SLC14A2: variants seen among roughly 807,000 people sequenced by gnomAD.
The protein encoded by SLC14A2 is solute carrier family 14 member 2, also known as urea transporter 2.
SLC14A2 carries 91 observed loss-of-function variants against 104.6 expected under a neutral mutation model. That is an observed-to-expected ratio of 0.87 (90% CI 0.73 to 1.04). SLC14A2 has a LOEUF of 1.04. Ranked by LOEUF, SLC14A2 falls within the 50% of genes least tolerant of loss-of-function variation. The probability of loss-of-function intolerance (pLI) is 0.00; values close to 1 mark genes in which losing one functional copy is unlikely to be tolerated. For synonymous variants in SLC14A2, 476 were observed against 466.4 expected, an observed-to-expected ratio of 1.02 and a Z score of -0.27; for missense variants, 1,189 against 1,156.0, an observed-to-expected ratio of 1.03 and a Z score of -0.41.
chr18:45,282,618 C>G (rs1437183859), intron 1 of SLC14A2, among the ~76,000 whole-genome samples: 1 of 152,136 alleles, frequency 6.6e-6, no homozygotes, highest in East Asian at 1.9e-4. Context: ...GCTTATCTAC[C>G]CTGGAGCACA....
chr18:45,175,421 A>AAC, the SLC14A2 span, among the ~76,000 whole-genome samples: 1,082 of 152,154 alleles, frequency 7.1e-3, 23 homozygotes, highest in African/African-American at 0.025. Flanking sequence ...ACGTTTAAAA[A>AAC]AAAATCCTCT....
intron 1 of SLC14A2, among the ~76,000 whole-genome samples, chr18:45,393,880 G>T (rs554400884): frequency 2.6e-5 from 4 of 152,226 alleles, no homozygotes; most frequent in South Asian, 2.1e-4. Flanking sequence ...ATCCCTCTAT[G>T]GTATCATCAT....
intron 1 of SLC14A2, among the ~76,000 whole-genome samples, chr18:45,233,735 A>G (rs1021263422): frequency 2.0e-5 from 3 of 151,140 alleles, no homozygotes; most frequent in Non-Finnish European, 4.4e-5. Context: ...CAAAGTGCTC[A>G]TCACTTTCCC....
At chr18:45,352,659 A>G (rs918219895) in intron 1 of SLC14A2, among the ~76,000 whole-genome samples, 12 of 152,192 alleles carry the variant, frequency 7.9e-5, no homozygotes, top group African/African-American at 2.9e-4. Flanking sequence ...TTTACAAGTG[A>G]CACCAAAGGA....
At chr18:45,308,592 G>C (rs541365811) in intron 1 of SLC14A2, among the ~76,000 whole-genome samples, 4 of 152,112 alleles carry the variant, frequency 2.6e-5, no homozygotes, top group Admixed American at 1.3e-4. Flanking sequence ...CAATTTGCCC[G>C]GAGGGAGGAT....
chr18:45,568,390 C>T (rs187719218), intron 2 of SLC14A2, among the ~76,000 whole-genome samples: 1 of 152,336 alleles, frequency 6.6e-6, no homozygotes, highest in East Asian at 1.9e-4. Flanking sequence ...TCTCTCCTTG[C>T]CTTCAGGGGA....
intron 8 of SLC14A2, among the ~76,000 whole-genome samples, chr18:45,642,103 C>T (rs1370001655): frequency 6.6e-6 from 1 of 152,220 alleles, no homozygotes; most frequent in East Asian, 1.9e-4. Context: ...AATCCCAGCC[C>T]CAGCTTGCCA....
intron 2 of SLC14A2, among the ~76,000 whole-genome samples, chr18:45,588,847 T>C (rs183241126): frequency 6.6e-6 from 1 of 152,262 alleles, no homozygotes; most frequent in African/African-American, 2.4e-5. Context: ...ACCGTAATTC[T>C]TTTACAGCAA....
chr18:45,568,662 G>A (rs1294332358), intron 2 of SLC14A2, among the ~76,000 whole-genome samples: 2 of 152,210 alleles, frequency 1.3e-5, no homozygotes, highest in African/African-American at 4.8e-5. Flanking sequence ...TTGTCACCTA[G>A]CCTGCCTGAT....
intron 2 of SLC14A2, among the ~76,000 whole-genome samples, chr18:45,506,119 C>A (rs1393504352): frequency 6.6e-6 from 1 of 152,190 alleles, no homozygotes; most frequent in African/African-American, 2.4e-5. Flanking sequence ...GCAGGGGGAC[C>A]TTGAAGGTGT....
intron 1 of SLC14A2, among the ~76,000 whole-genome samples, chr18:45,440,080 G>C (rs1464537377): frequency 2.0e-5 from 3 of 152,292 alleles, no homozygotes; most frequent in African/African-American, 7.2e-5. Flanking sequence ...AAAGAGGCCT[G>C]TGTAGGTTGA....
At chr18:45,355,303 C>G (rs544393385) in intron 1 of SLC14A2, among the ~76,000 whole-genome samples, 1 of 152,002 alleles carries the variant, frequency 6.6e-6, no homozygotes, top group Non-Finnish European at 1.5e-5. Flanking sequence ...AGGCCTGGCG[C>G]GGTGGCTCAC....
At chr18:45,313,162 T>C (rs2085095896) in intron 1 of SLC14A2, among the ~76,000 whole-genome samples, 1 of 152,186 alleles carries the variant, frequency 6.6e-6, no homozygotes, top group South Asian at 2.1e-4. Flanking sequence ...GCATCCATAC[T>C]GAACAGACTA....
At chr18:45,409,087 C>A (rs995331024) in intron 1 of SLC14A2, among the ~76,000 whole-genome samples, 1 of 152,058 alleles carries the variant, frequency 6.6e-6, no homozygotes, top group Non-Finnish European at 1.5e-5. Flanking sequence ...CAGTTGCAGC[C>A]CCCCAAGGAG....
rs113938461 is a variant in SLC14A2 at position 45,639,812 on chromosome 18, G to C, written c.910G>C (p.Val304Leu). 24 of 1,613,950 alleles carry C rather than the reference G, an allele frequency of 1.5e-5. No individual in the cohort carries two copies. Among genetic ancestry groups the C allele is most frequent in the Non-Finnish European group, 2.0e-5 (24 of 1,180,008 alleles). The stretch of plus-strand genomic sequence containing the variant: ...CTGTGACAATCCCTGGACAGGCGGC[G>C]TGTTCCTGGTGGCTCTGTTCATCTC... ...YGCDNPWTGGVFLVALFISSP... is the reference protein window; with the variant it reads ...YGCDNPWTGGLFLVALFISSP... Residue 304 changes from valine to leucine, a missense_variant, in exon 7 of 20, where the codon GTG becomes CTG. Coordinates refer to ENST00000255226, the MANE Select transcript of SLC14A2 (RefSeq NM_007163.4).
intron 17 of SLC14A2, 140 bp downstream of exon 17, chr18:45,673,187 GT>G: frequency 1.2e-6 from 1 of 837,322 alleles, no homozygotes; most frequent in Non-Finnish European, 1.8e-6. Context: ...CTGTTTCTCC[GT>G]TTTTGATCTA....
intron 1 of SLC14A2, among the ~76,000 whole-genome samples, chr18:45,467,299 G>C (rs901947766): frequency 1.1e-4 from 17 of 152,182 alleles, no homozygotes; most frequent in African/African-American, 4.1e-4. Flanking sequence ...ACTGGTATTG[G>C]AGTTCTAGTA....
At chr18:45,456,346 G>A (rs547980164) in intron 1 of SLC14A2, among the ~76,000 whole-genome samples, 1 of 152,338 alleles carries the variant, frequency 6.6e-6, no homozygotes, top group African/African-American at 2.4e-5. Flanking sequence ...GAGCTCTGCA[G>A]AGTCAGTGCC....
chr18:45,442,351 A>G (rs554702737), intron 1 of SLC14A2, among the ~76,000 whole-genome samples: 5 of 152,276 alleles, frequency 3.3e-5, no homozygotes, highest in African/African-American at 1.2e-4. Flanking sequence ...AGATCAAGGT[A>G]TTGATAGAGT....
Sources: allele counts gnomAD v4.1 joint callset (sites outside exome capture counted in the v4.1 genomes callset), GRCh38; gene constraint gnomAD v4.1.1; transcripts MANE v1.5; gene names NCBI Gene and HGNC (gene_info 2026-07-23, HGNC 2026-07-21).